NLGN1: variants seen among roughly 807,000 people sequenced by gnomAD.
NLGN1 encodes the protein neuroligin 1.
A neutral mutation model predicts 65.5 loss-of-function variants in NLGN1; 12 were observed. The observed-to-expected ratio is 0.18, with a 90% CI of 0.12 to 0.30. The LOEUF (loss-of-function observed/expected upper bound fraction) is 0.30, where lower values mean the gene tolerates loss of function less well. Among genes scored for constraint, NLGN1 ranks in the 10% least tolerant of loss-of-function variants. The probability of loss-of-function intolerance (pLI) is 1.00; values close to 1 mark genes in which losing one functional copy is unlikely to be tolerated. For missense variants in NLGN1, 750 were observed against 1,007.1 expected (o/e 0.74, Z 3.46); for synonymous variants, 350 against 359.5 (o/e 0.97, Z 0.30).
At chr3:173,587,884 C>T (rs535442750) in intron 2 of NLGN1, among the ~76,000 whole-genome samples, 3 of 152,214 alleles carry the variant, frequency 2.0e-5, no homozygotes, top group East Asian at 3.9e-4. Context: ...AAAGCTAACA[C>T]ATTTGCTATA....
chr3:174,036,180 C>T (rs1731095335), intron 4 of NLGN1, among the ~76,000 whole-genome samples: 1 of 152,090 alleles, frequency 6.6e-6, no homozygotes, highest in Non-Finnish European at 1.5e-5. Flanking sequence ...AACAAACTAG[C>T]AAATAGTTTA....
chr3:174,287,147 A>G (rs1752222609), downstream of NLGN1, among the ~76,000 whole-genome samples: 1 of 151,484 alleles, frequency 6.6e-6, no homozygotes, highest in African/African-American at 2.4e-5. Context: ...TCTTGATCAA[A>G]TCATGTCACT....
At chr3:173,573,935 C>T (rs569330952) in intron 2 of NLGN1, among the ~76,000 whole-genome samples, 5 of 151,368 alleles carry the variant, frequency 3.3e-5, no homozygotes, top group South Asian at 4.2e-4. Flanking sequence ...TGGTAGCGGG[C>T]GCCTGTAGTC....
intron 4 of NLGN1, among the ~76,000 whole-genome samples, chr3:174,092,234 G>A (rs1744655634): frequency 6.6e-6 from 1 of 152,122 alleles, no homozygotes; most frequent in Admixed American, 6.5e-5. Flanking sequence ...AGGAAATTAT[G>A]AGCTGGGGAG....
At chr3:173,844,539 A>T (rs568916144) in intron 4 of NLGN1, among the ~76,000 whole-genome samples, 1 of 152,304 alleles carries the variant, frequency 6.6e-6, no homozygotes, top group Admixed American at 6.5e-5. Context: ...AAACACAAGG[A>T]AGAAGCTGAG....
chr3:173,848,163 T>C (rs1726173607), intron 4 of NLGN1, among the ~76,000 whole-genome samples: 1 of 152,172 alleles, frequency 6.6e-6, no homozygotes, highest in Non-Finnish European at 1.5e-5. Context: ...TAGTGATAAT[T>C]ACAGTATCTA....
At chr3:174,144,811 T>C (rs1429549382) in intron 4 of NLGN1, among the ~76,000 whole-genome samples, 1 of 152,204 alleles carries the variant, frequency 6.6e-6, no homozygotes, top group Non-Finnish European at 1.5e-5. Context: ...TAGCCCTTTG[T>C]CAGATGGATA....
intron 4 of NLGN1, among the ~76,000 whole-genome samples, chr3:173,953,653 TAA>T: frequency 6.6e-6 from 1 of 152,100 alleles, no homozygotes; most frequent in Non-Finnish European, 1.5e-5. Context: ...CTCCTGGGCT[TAA>T]GTGATCCTCC....
chr3:173,551,754 C>G (rs1447308906), intron 2 of NLGN1, among the ~76,000 whole-genome samples: 1 of 152,160 alleles, frequency 6.6e-6, no homozygotes, highest in Non-Finnish European at 1.5e-5. Context: ...TACCCATTTA[C>G]TACTCATGTG....
chr3:173,486,056 T>C (rs985443834), intron 2 of NLGN1, among the ~76,000 whole-genome samples: 2 of 152,100 alleles, frequency 1.3e-5, no homozygotes, highest in Admixed American at 6.6e-5. Context: ...TTTTTATTTT[T>C]ATTTTTGAGA....
chr3:174,081,350 T>G (rs1192888993), intron 4 of NLGN1, among the ~76,000 whole-genome samples: 3 of 152,162 alleles, frequency 2.0e-5, no homozygotes, highest in Admixed American at 2.0e-4. Flanking sequence ...AATTTATTTC[T>G]GACAGTTCCA....
At chr3:174,018,788 T>C (rs947277198) in intron 4 of NLGN1, among the ~76,000 whole-genome samples, 2 of 152,218 alleles carry the variant, frequency 1.3e-5, no homozygotes, top group Admixed American at 1.3e-4. Flanking sequence ...CAGGAGTTGA[T>C]ACTGCCTTGA....
intron 2 of NLGN1, among the ~76,000 whole-genome samples, chr3:173,513,443 A>C (rs1426986430): frequency 2.0e-5 from 3 of 152,082 alleles, no homozygotes; most frequent in African/African-American, 7.2e-5. Flanking sequence ...ATACTCATGG[A>C]TTTCTGCTCA....
At chr3:173,682,959 T>C (rs1764160373) in intron 3 of NLGN1, among the ~76,000 whole-genome samples, 1 of 152,226 alleles carries the variant, frequency 6.6e-6, no homozygotes, top group African/African-American at 2.4e-5. Context: ...CATGAGAGAC[T>C]ATTTAGAGAT....
intron 4 of NLGN1, among the ~76,000 whole-genome samples, chr3:173,823,033 G>A (rs146876996): frequency 6.6e-6 from 1 of 151,974 alleles, no homozygotes; most frequent in East Asian, 1.9e-4. Flanking sequence ...TATGACTCAA[G>A]TGGCATACAG....
intron 4 of NLGN1, among the ~76,000 whole-genome samples, chr3:173,838,818 T>C (rs1458330450): frequency 6.6e-6 from 1 of 152,164 alleles, no homozygotes; most frequent in African/African-American, 2.4e-5. Flanking sequence ...AGAGTGAAAT[T>C]GTCTCTATGT....
chr3:173,769,182 C>A (rs1445567570), intron 3 of NLGN1, among the ~76,000 whole-genome samples: 2 of 152,154 alleles, frequency 1.3e-5, no homozygotes, highest in African/African-American at 4.8e-5. Flanking sequence ...CCTCCTACCC[C>A]TTACACTCAT....
At chr3:173,543,236 C>T (rs1739192100) in intron 2 of NLGN1, among the ~76,000 whole-genome samples, 1 of 152,146 alleles carries the variant, frequency 6.6e-6, no homozygotes, top group South Asian at 2.1e-4. Context: ...GCTAATTTCA[C>T]AACATATGTT....
At chr3:173,580,154 C>T (rs1746168089) in intron 2 of NLGN1, among the ~76,000 whole-genome samples, 1 of 152,090 alleles carries the variant, frequency 6.6e-6, no homozygotes, top group Admixed American at 6.5e-5. Context: ...CTCAAAATAA[C>T]TCTTTTGTAT....
Sources: allele counts gnomAD v4.1 joint callset (sites outside exome capture counted in the v4.1 genomes callset), GRCh38; gene constraint gnomAD v4.1.1; transcripts MANE v1.5; gene names NCBI Gene and HGNC (gene_info 2026-07-23, HGNC 2026-07-21).